Variants in RABL2A observed in about 807,000 individuals in gnomAD.
RABL2A encodes RAB, member of RAS oncogene family like 2A, also known as rab-like protein 2A.
A neutral mutation model predicts 30.7 loss-of-function variants in RABL2A; 17 were observed. That is an observed-to-expected ratio of 0.55 (90% confidence interval 0.38 to 0.83). The LOEUF (loss-of-function observed/expected upper bound fraction) is 0.83. Among genes scored for constraint, RABL2A ranks in the 40% least tolerant of loss-of-function variants. RABL2A has a pLI of 0.00. For missense variants in RABL2A, 155 were observed against 272.6 expected (o/e 0.57, Z 3.04); for synonymous variants, 64 against 101.8 (o/e 0.63, Z 2.24).
intron 5 of RABL2A, chr2:113,638,505 A>T: frequency 1.0e-6 from 1 of 985,404 alleles, no homozygotes; most frequent in Non-Finnish European, 1.2e-6. Context: ...GCAGCAGCTC[A>T]GTTGTCTTTC....
intron 3 of RABL2A, chr2:113,633,213 G>C: frequency 1.8e-6 from 1 of 569,178 alleles, no homozygotes; most frequent in East Asian, 3.2e-5. Context: ...AAATGGTTTG[G>C]ATCTAATGCC....
At chr2:113,641,320 T>C in intron 6 of RABL2A, 33 bp from the exon 7 acceptor site, 1 of 1,614,018 alleles carries the variant, frequency 6.2e-7, no homozygotes, top group Non-Finnish European at 8.5e-7. Flanking sequence ...TTCCCTTCCC[T>C]TGACAGACCA....
intron 5 of RABL2A, chr2:113,640,087 C>T (rs1684568817): frequency 6.6e-6 from 1 of 151,814 alleles, no homozygotes; most frequent in Non-Finnish European, 1.5e-5. Flanking sequence ...TTTGAGGTTA[C>T]AGTGAGCTGT....
At chr2:113,637,002 A>T (rs1283332668) in intron 5 of RABL2A, among the ~76,000 whole-genome samples, 2 of 146,444 alleles carry the variant, frequency 1.4e-5, no homozygotes, top group Non-Finnish European at 3.0e-5. Flanking sequence ...AAAAATAAAA[A>T]AATAAAAAAA....
In RABL2A at chr2:113,642,182, C is replaced by T; in HGVS notation, c.*53C>T. 6.6e-7 allele frequency: 1 copy of T among 1,526,532 alleles called. No homozygotes were observed. Among genetic ancestry groups the T allele is most frequent in the Non-Finnish European group, 8.8e-7 (1 of 1,141,284 alleles). 94.6% of individuals were successfully genotyped at this position (1,526,532 alleles called of 1,614,324 possible). ...CCTTTTAAAATACCCTTCCCTTCAA[C>T]AACTCTCCAGCTCTGAATGGAGAAA... On this transcript the variant is annotated 3_prime_UTR_variant, in exon 9 of 9. Coordinates refer to ENST00000683472, the MANE Select transcript of RABL2A (RefSeq NM_001306158.2).
At position 113,635,185 on chromosome 2, in the gene RABL2A, T is replaced by G. The variant is rs561017891; in HGVS notation, c.297+55T>G. The stretch of plus-strand genomic sequence containing the variant: ...CACTGGGCAAGTCTGGCCTGAGGGG[T>G]GAGGGGCCTAGCAGCCCTGGGCCCT... On this transcript the variant is annotated intron_variant, in intron 5 of 8. Transcript: ENST00000683472. 940 of 1,577,278 alleles carry G rather than the reference T, an allele frequency of 6.0e-4. 8 individuals are homozygous for G. In the African/African-American group the frequency reaches 0.011, roughly 19 times the overall value.
chr2:113,630,997 A>T (rs1189145303), intron 2 of RABL2A, among the ~76,000 whole-genome samples: 1 of 152,038 alleles, frequency 6.6e-6, no homozygotes, highest in Non-Finnish European at 1.5e-5. Flanking sequence ...TCCCAGGTTC[A>T]AGCAATTCTC....
intron 3 of RABL2A, 144 bp from the exon 4 acceptor site, chr2:113,634,009 C>T (rs916577827): frequency 5.5e-5 from 80 of 1,445,710 alleles, no homozygotes; most frequent in Non-Finnish European, 6.5e-5. Context: ...GATCCTCTGT[C>T]TGCAACATTC....
intron 5 of RABL2A, chr2:113,637,384 T>C (rs937488225): frequency 4.8e-6 from 5 of 1,040,408 alleles, no homozygotes; most frequent in Non-Finnish European, 5.8e-6. Context: ...CCTGCACCAC[T>C]GATCCCTTCC....
chr2:113,634,223 A>G lies in RABL2A; in HGVS notation c.208A>G (p.Ile70Val), dbSNP rs1574008691. Reference protein sequence around the residue: ...KHTATVDGKTILVDFWDTAGQ... With the variant: ...KHTATVDGKTVLVDFWDTAGQ... The stretch of plus-strand genomic sequence containing the variant: ...CACAGCCACGGTAGATGGCAAGACC[A>G]TCCTTGTGGGTAAGTGGCACAGGGC... The change falls in exon 4 of 9, where the codon ATC becomes GTC. Residue 70 changes from isoleucine (I) to valine (V), a missense_variant. Transcript: ENST00000683472. The G allele has an allele frequency of 6.2e-7, 1 of 1,612,352 alleles. No individual in the cohort carries two copies.
chr2:113,642,057 G>C lies in RABL2A; in HGVS notation c.618G>C (p.Glu206Asp), dbSNP rs1208102753. 6.2e-7 allele frequency: 1 copy of C among 1,613,044 alleles called. No individual in the cohort carries two copies. The highest frequency in any genetic ancestry group is 2.2e-5 in the East Asian group (1 of 44,866). Residue 206 changes from glutamate to aspartate, a missense_variant, in exon 9 of 9, where the codon GAG (glutamate) becomes GAC (aspartate). Glu to Asp is a conservative substitution (Grantham distance 45). Transcript: ENST00000683472. ...LENFSLEQEEEDVPDQEQSSS... is the reference protein window; with the variant it reads ...LENFSLEQEEDDVPDQEQSSS... ...ACTTCAGCTTGGAGCAGGAAGAGGA[G>C]GACGTGCCAGACCAGGAACAGAGCA...
At chr2:113,638,926 AAAC>A (rs1302815757) in intron 5 of RABL2A, among the ~76,000 whole-genome samples, 5 of 152,232 alleles carry the variant, frequency 3.3e-5, no homozygotes, top group South Asian at 4.1e-4. Context: ...AAATAGGTAA[AAAC>A]AAATTATAAA....
In RABL2A at chr2:113,643,140, T is replaced by G. The variant is rs913427542; in HGVS notation, c.*1011T>G. 1 of 454,538 alleles carries G rather than the reference T, an allele frequency of 2.2e-6. No homozygotes were observed. Among genetic ancestry groups the G allele is most frequent in the Non-Finnish European group, 4.4e-6 (1 of 226,328 alleles). The allele number at this position is 454,538 out of a possible 1,614,324, so 28.2% of individuals were successfully genotyped here. Reference sequence around the variant, plus strand: ...CGTCCATTTGGACTACAAGAAGAGCTTCCTTTAAAGTTCCTATTTCAGCAT... The same window carrying G: ...CGTCCATTTGGACTACAAGAAGAGCGTCCTTTAAAGTTCCTATTTCAGCAT... On this transcript the variant is annotated 3_prime_UTR_variant, in exon 9 of 9. Coordinates refer to ENST00000683472, the MANE Select transcript of RABL2A (RefSeq NM_001306158.2).
At chr2:113,638,109 G>T (rs1377902896) in intron 5 of RABL2A, 1 of 985,294 alleles carries the variant, frequency 1.0e-6, no homozygotes, top group Non-Finnish European at 1.2e-6. Flanking sequence ...ACCAGATCTG[G>T]ACAAAAGTCA....
chr2:113,638,202 C>A (rs747913435), intron 5 of RABL2A: 437 of 985,272 alleles, frequency 4.4e-4, no homozygotes, highest in Non-Finnish European at 5.0e-4. Flanking sequence ...TTCAAGACAA[C>A]CTGGTGATTC....
intron 5 of RABL2A, chr2:113,639,973 G>A (rs1254146881): frequency 1.3e-5 from 2 of 151,632 alleles, no homozygotes; most frequent in Non-Finnish European, 2.9e-5. Context: ...GGGTAACATA[G>A]GGAGAGCCTG....
chr2:113,636,116 C>A (rs914608787), intron 5 of RABL2A, among the ~76,000 whole-genome samples: 24 of 151,436 alleles, frequency 1.6e-4, no homozygotes, highest in Non-Finnish European at 3.4e-4. Context: ...CTAAAAAAAA[C>A]CCACATTTTC....
intron 5 of RABL2A, among the ~76,000 whole-genome samples, chr2:113,636,975 C>T (rs113976213): frequency 6.8e-6 from 1 of 146,780 alleles, no homozygotes; most frequent in Non-Finnish European, 1.5e-5. Flanking sequence ...GGCAACAGAG[C>T]GAGACTCTGT....
chr2:113,634,662 C>T (rs1681802175), intron 4 of RABL2A: 1 of 408,654 alleles, frequency 2.4e-6, no homozygotes, highest in Non-Finnish European at 4.6e-6. Context: ...TTCTCCTTGG[C>T]CGGGCACACA....
Sources: allele counts gnomAD v4.1 joint callset (sites outside exome capture counted in the v4.1 genomes callset), GRCh38; gene constraint gnomAD v4.1.1; transcripts MANE v1.5; gene names NCBI Gene and HGNC (gene_info 2026-07-23, HGNC 2026-07-21).